The following LRRC49 variants were observed in gnomAD, a reference collection of about 807,000 sequenced individuals.
The protein encoded by LRRC49 is leucine-rich repeat-containing protein 49.
In LRRC49, 50 loss-of-function variants were observed where a neutral mutation model predicts 83.3. The observed-to-expected ratio is 0.60, with a 90% CI of 0.48 to 0.76. The LOEUF is 0.76. LRRC49 is among the 30% of genes least tolerant of loss of function. The pLI is 0.00. For missense variants in LRRC49, 704 were observed against 809.1 expected (o/e 0.87, Z 1.58); for synonymous variants, 286 against 283.3 (o/e 1.01, Z -0.10).
At chr15:71,011,723 T>TTAG (rs1019436630) in intron 13 of LRRC49, among the ~76,000 whole-genome samples, 3 of 152,208 alleles carry the variant, frequency 2.0e-5, no homozygotes, top group African/African-American at 7.2e-5. Context: ...CAAACACTAC[T>TTAG]TAGTTATTAG....
intron 3 of LRRC49, among the ~76,000 whole-genome samples, chr15:70,899,050 C>T (rs751313835): frequency 2.0e-5 from 3 of 152,066 alleles, no homozygotes; most frequent in Non-Finnish European, 2.9e-5. Context: ...TATATCACAT[C>T]GATAGTAAGT....
At chr15:71,018,855 C>A (rs2038908139) in intron 14 of LRRC49, among the ~76,000 whole-genome samples, 1 of 152,194 alleles carries the variant, frequency 6.6e-6, no homozygotes, top group African/African-American at 2.4e-5. Context: ...AATTGAGATT[C>A]TGACAACCCC....
At chr15:70,952,718 T>C (rs1490789556) in intron 8 of LRRC49, among the ~76,000 whole-genome samples, 1 of 152,188 alleles carries the variant, frequency 6.6e-6, no homozygotes, top group Non-Finnish European at 1.5e-5. Context: ...TGTCTAATGC[T>C]ATTAGTGGGG....
chr15:70,861,323 A>G lies in LRRC49; in HGVS notation c.-299+7854A>G, dbSNP rs1007285358. On this transcript the variant is annotated intron_variant, in intron 1 of 16. Coordinates refer to the LRRC49 transcript ENST00000544974. The stretch of plus-strand genomic sequence containing the variant: ...ATTGCATGGCAAAAGCAGGCAAATT[A>G]TGTGGTACAAATGATGCAGGAGTCC... 4.6e-5 allele frequency among the ~76,000 whole-genome samples: 7 copies of G among 151,864 alleles called. No individual in the cohort carries two copies. In the East Asian group the frequency reaches 1.3e-3, roughly 29 times the overall value.
chr15:70,916,005 TGTTA>T (rs1296170053), intron 6 of LRRC49, among the ~76,000 whole-genome samples: 2 of 152,152 alleles, frequency 1.3e-5, no homozygotes, highest in Non-Finnish European at 2.9e-5. Flanking sequence ...TGCTTTGAAG[TGTTA>T]GTAAGAAATT....
At chr15:71,048,007 C>T (rs564950358) in intron 15 of LRRC49, among the ~76,000 whole-genome samples, 52 of 151,650 alleles carry the variant, frequency 3.4e-4, no homozygotes, top group Non-Finnish European at 6.6e-4. Context: ...AACTCCTGAC[C>T]GCAAGTGATC....
intron 2 of LRRC49, among the ~76,000 whole-genome samples, chr15:70,886,023 A>T (rs1217263700): frequency 6.6e-6 from 1 of 152,166 alleles, no homozygotes; most frequent in African/African-American, 2.4e-5. Context: ...TATTGCAAAA[A>T]TTTAACTAAA....
intron 15 of LRRC49, among the ~76,000 whole-genome samples, chr15:71,047,227 G>A (rs1287417990): frequency 1.3e-5 from 2 of 152,126 alleles, no homozygotes; most frequent in Admixed American, 6.5e-5. Flanking sequence ...TGTGAAGAGT[G>A]ACATTGGGAA....
intron 14 of LRRC49, among the ~76,000 whole-genome samples, chr15:71,032,677 C>G (rs1191749863): frequency 6.6e-6 from 1 of 152,100 alleles, no homozygotes; most frequent in African/African-American, 2.4e-5. Flanking sequence ...TCACTTTGGC[C>G]TCATCCCTGG....
chr15:70,970,635 G>C (rs926180734), intron 9 of LRRC49, among the ~76,000 whole-genome samples: 3 of 152,050 alleles, frequency 2.0e-5, no homozygotes, highest in Non-Finnish European at 4.4e-5. Context: ...TGGTTGGTAG[G>C]CTATTAATTA....
intron 7 of LRRC49, among the ~76,000 whole-genome samples, chr15:70,924,104 TC>T (rs2035105946): frequency 5.9e-5 from 9 of 151,880 alleles, no homozygotes; most frequent in Admixed American, 5.2e-4. Context: ...TCTAGAAGAG[TC>T]TTTTTTTGTA....
At chr15:70,961,102 T>C (rs1000075561) in intron 8 of LRRC49, among the ~76,000 whole-genome samples, 3 of 152,094 alleles carry the variant, frequency 2.0e-5, no homozygotes, top group Non-Finnish European at 4.4e-5. Context: ...AAGAATCCAA[T>C]TTAAAATAGG....
At chr15:70,966,271 T>C (rs1276127800) in intron 9 of LRRC49, among the ~76,000 whole-genome samples, 1 of 152,108 alleles carries the variant, frequency 6.6e-6, no homozygotes, top group African/African-American at 2.4e-5. Flanking sequence ...GTGCAGAGGA[T>C]GCTGCAGTGA....
intron 11 of LRRC49, among the ~76,000 whole-genome samples, chr15:71,002,395 CTT>C (rs1453394051): frequency 6.6e-6 from 1 of 152,116 alleles, no homozygotes; most frequent in African/African-American, 2.4e-5. Context: ...TTCTCTAAAA[CTT>C]TGCTATATCC....
At chr15:70,967,898 T>TTGTC (rs2036846296) in intron 9 of LRRC49, among the ~76,000 whole-genome samples, 1 of 152,042 alleles carries the variant, frequency 6.6e-6, no homozygotes, top group Non-Finnish European at 1.5e-5. Flanking sequence ...ACTGAGAGTT[T>TTGTC]TGTCTAGGTA....
intron 14 of LRRC49, among the ~76,000 whole-genome samples, chr15:71,023,023 T>G (rs1414175369): frequency 6.6e-6 from 1 of 152,222 alleles, no homozygotes; most frequent in Non-Finnish European, 1.5e-5. Flanking sequence ...CCCATATATT[T>G]GAATTAAGAA....
At chr15:71,012,190 G>C (rs1312673849) in intron 13 of LRRC49, among the ~76,000 whole-genome samples, 1 of 152,172 alleles carries the variant, frequency 6.6e-6, no homozygotes, top group Non-Finnish European at 1.5e-5. Context: ...AATATCCCCA[G>C]ATAGTAATAC....
At chr15:70,948,293 A>G (rs1272081507) in intron 8 of LRRC49, among the ~76,000 whole-genome samples, 5 of 152,110 alleles carry the variant, frequency 3.3e-5, no homozygotes, top group Non-Finnish European at 2.9e-5. Flanking sequence ...GCACACACAT[A>G]CCTCTGCCTA....
intron 8 of LRRC49, among the ~76,000 whole-genome samples, chr15:70,947,391 T>C (rs1204760905): frequency 1.3e-5 from 2 of 152,154 alleles, no homozygotes; most frequent in African/African-American, 2.4e-5. Context: ...AAAAAAGGCA[T>C]TGTGGAGAGT....
Sources: gnomAD v4.1 joint callset for allele counts (sites outside exome capture counted in the v4.1 genomes callset) on GRCh38, gnomAD v4.1.1 for gene constraint, MANE v1.5 for transcripts, NCBI Gene and HGNC (gene_info 2026-07-23, HGNC 2026-07-21) for gene names.